Variants in FAXDC2 observed in about 807,000 individuals in gnomAD.
FAXDC2 encodes fatty acid hydroxylase domain-containing protein 2.
In FAXDC2, 41 loss-of-function variants were observed where a neutral mutation model predicts 40.9. The ratio of observed to expected loss-of-function variants is 1.00; its 90% CI spans 0.78 to 1.30. The LOEUF (loss-of-function observed/expected upper bound fraction) is 1.30. FAXDC2 is among the 50% of genes most tolerant of loss of function. FAXDC2 has a pLI of 0.00. For missense variants in FAXDC2, 390 were observed against 408.8 expected (o/e 0.95, Z 0.40); for synonymous variants, 157 against 149.3 (o/e 1.05, Z -0.38).
chr5:154,818,760 T>C lies in FAXDC2; in HGVS notation c.*1556A>G, dbSNP rs551700545. The C allele has an allele frequency of 6.6e-6, 1 of 152,370 alleles. No individual in the cohort carries two copies. Among genetic ancestry groups the C allele is most frequent in the South Asian group, 2.1e-4 (1 of 4,830 alleles). 9.4% of individuals were successfully genotyped at this position (152,370 alleles called of 1,614,324 possible). A position where few individuals can be genotyped will look rare whatever the true frequency, so the allele number is the denominator to read the frequency against. The stretch of plus-strand genomic sequence containing the variant: ...AAACCGTATCTGTTCTTTCTCCTTA[T>C]CTCCTACCCTTCTCTTTAAGCATAT... On this transcript the variant is annotated 3_prime_UTR_variant, in exon 9 of 9. Coordinates refer to ENST00000326080, the MANE Select transcript of FAXDC2 (RefSeq NM_032385.5).
chr5:154,847,499 T>G (rs1332924258), intron 1 of FAXDC2, among the ~76,000 whole-genome samples: 9 of 149,084 alleles, frequency 6.0e-5, no homozygotes, highest in African/African-American at 2.2e-4. Flanking sequence ...TTTTTTTTTT[T>G]TTTTTGAGAT....
chr5:154,840,803 GGCCTCCCAAA>G (rs1760460460), intron 1 of FAXDC2, among the ~76,000 whole-genome samples: 1 of 152,026 alleles, frequency 6.6e-6, no homozygotes, highest in South Asian at 2.1e-4. Context: ...CTCCCGCCTC[GGCCTCCCAAA>G]GTGCCAGGAT....
At chr5:154,828,900 C>T (rs1760116668) in intron 5 of FAXDC2, among the ~76,000 whole-genome samples, 2 of 147,754 alleles carry the variant, frequency 1.4e-5, no homozygotes, top group South Asian at 4.3e-4. Context: ...TGTGCCCCAG[C>T]CTGCGTAAAT....
intron 1 of FAXDC2, among the ~76,000 whole-genome samples, chr5:154,845,591 A>C (rs1760579865): frequency 6.6e-6 from 1 of 152,062 alleles, no homozygotes; most frequent in Non-Finnish European, 1.5e-5. Flanking sequence ...AATATAAAAA[A>C]AATTAGCCAG....
At chr5:154,838,108 G>A in intron 2 of FAXDC2, 23 bp downstream of exon 2, 2 of 1,517,684 alleles carry the variant, frequency 1.3e-6, no homozygotes, top group East Asian at 2.2e-5. Context: ...TCACCAGTTT[G>A]GGGGCAAGGT....
rs558837463 is a variant in FAXDC2, at chr5:154,820,228, C to A, written c.*88G>T. Reference sequence around the variant, plus strand: ...TGGTGCCATCATTAGGGCGTGTGGCCGAAGGAGGCAAATTGTTAGGTGCAA... The same window carrying A: ...TGGTGCCATCATTAGGGCGTGTGGCAGAAGGAGGCAAATTGTTAGGTGCAA... On this transcript the variant is annotated 3_prime_UTR_variant, in exon 9 of 9. Coordinates refer to ENST00000326080, the MANE Select transcript of FAXDC2 (RefSeq NM_032385.5). 3 of 1,169,888 alleles carry A rather than the reference C, an allele frequency of 2.6e-6. No homozygotes were observed. The highest frequency in any genetic ancestry group is 3.6e-6 in the Non-Finnish European group (3 of 826,384). The allele number at this position is 1,169,888 out of a possible 1,614,324, so 72.5% of individuals were successfully genotyped here.
In FAXDC2 at chr5:154,830,170, CTTG is replaced by C. The variant is rs1181467098; in HGVS notation, c.366+628_366+630del. Among the ~76,000 whole-genome samples the C allele has an allele frequency of 5.3e-5, 8 of 152,270 alleles. No individual in the cohort carries two copies. The South Asian group carries it at 1.2e-3, about 24-fold the overall frequency. ...CCTGGGTTTCAGAATCAACTTCTTC[CTTG>C]TTGTGTAGGAAAAGGCGAGCCAGAC... On this transcript the variant is annotated intron_variant, in intron 5 of 8. Coordinates refer to ENST00000326080, the MANE Select transcript of FAXDC2 (RefSeq NM_032385.5).
intron 1 of FAXDC2, among the ~76,000 whole-genome samples, chr5:154,848,406 T>C (rs1002239923): frequency 2.0e-5 from 3 of 152,196 alleles, no homozygotes; most frequent in African/African-American, 4.8e-5. Context: ...ATTTTGGGAA[T>C]AGCATAACTT....
At position 154,822,462 on chromosome 5, in the gene FAXDC2, C is replaced by G; in HGVS notation, c.678+10G>C. 6.3e-7 allele frequency: 1 copy of G among 1,593,220 alleles called. No homozygotes were observed. The highest frequency in any genetic ancestry group is 8.6e-7 in the Non-Finnish European group (1 of 1,161,370). On this transcript the variant is annotated intron_variant, in intron 7 of 8. Coordinates refer to ENST00000326080, the MANE Select transcript of FAXDC2 (RefSeq NM_032385.5). ...GCCCTTTGCTCTGGGGAGCATAGAG[C>G]TCTACTCACTGCATGCTCTATAGGG...
At position 154,819,338 on chromosome 5, in the gene FAXDC2, C is replaced by T. The variant is rs1373872656; in HGVS notation, c.*978G>A. 6.6e-6 allele frequency: 1 copy of T among 152,120 alleles called. No individual in the cohort carries two copies. The highest frequency in any genetic ancestry group is 6.5e-5 in the Admixed American group (1 of 15,282). 9.4% of individuals were successfully genotyped at this position (152,120 alleles called of 1,614,324 possible). On this transcript the variant is annotated 3_prime_UTR_variant, in exon 9 of 9. Transcript: ENST00000326080. ...TGATAAGGTTCCTGGTAAAAATCAT[C>T]TTGAATAAATGTTGCTGAGAAACTG...
At chr5:154,829,887 G>A (rs1320935827) in intron 5 of FAXDC2, among the ~76,000 whole-genome samples, 2 of 152,210 alleles carry the variant, frequency 1.3e-5, no homozygotes, top group Non-Finnish European at 2.9e-5. Flanking sequence ...TGGGCCTGGA[G>A]GAAGCCCCCA....
chr5:154,819,291 C>T lies in FAXDC2; in HGVS notation c.*1025G>A, dbSNP rs1442194975. On this transcript the variant is annotated 3_prime_UTR_variant, in exon 9 of 9. Coordinates refer to ENST00000326080, the MANE Select transcript of FAXDC2 (RefSeq NM_032385.5). ...GGAGGCCAGGATGGGGACTTCAACCCAAGCAGCTGTGGTTTTGCCTTTGAT... is the reference window on the plus strand; with the variant it reads ...GGAGGCCAGGATGGGGACTTCAACCTAAGCAGCTGTGGTTTTGCCTTTGAT... The T allele has an allele frequency of 2.0e-5, 3 of 152,186 alleles. No homozygotes were observed. The East Asian group carries it at 5.8e-4, about 29-fold the overall frequency. 9.4% of individuals were successfully genotyped at this position (152,186 alleles called of 1,614,324 possible).
intron 3 of FAXDC2, 22 bp from the exon 4 acceptor site, chr5:154,834,750 C>A: frequency 6.2e-7 from 1 of 1,610,990 alleles, no homozygotes; most frequent in Non-Finnish European, 8.5e-7. Flanking sequence ...AACCAGGTTT[C>A]TGGGTGAAGA....
intron 7 of FAXDC2, among the ~76,000 whole-genome samples, 196 bp from the exon 8 acceptor site, chr5:154,821,622 A>G (rs1340977279): frequency 1.3e-5 from 2 of 152,170 alleles, no homozygotes; most frequent in Non-Finnish European, 2.9e-5. Context: ...TTGAGCCTCA[A>G]CTTTCTTGTT....
chr5:154,845,711 T>C (rs1760583187), intron 1 of FAXDC2, among the ~76,000 whole-genome samples: 1 of 151,062 alleles, frequency 6.6e-6, no homozygotes, highest in Non-Finnish European at 1.5e-5. Flanking sequence ...AGAGCTCATC[T>C]ATTCAGATGC....
chr5:154,833,184 G>A (rs954451930), intron 4 of FAXDC2, among the ~76,000 whole-genome samples: 3 of 151,548 alleles, frequency 2.0e-5, no homozygotes, highest in East Asian at 2.0e-4. Flanking sequence ...TTACAGGCAC[G>A]CACCACCACG....
intron 7 of FAXDC2, among the ~76,000 whole-genome samples, chr5:154,821,729 T>C (rs2113119005): frequency 6.6e-6 from 1 of 152,272 alleles, no homozygotes; most frequent in East Asian, 1.9e-4. Flanking sequence ...GGAGGATTGC[T>C]TGAGGCCAGG....
At position 154,823,569 on chromosome 5, in the gene FAXDC2, C is replaced by A; in HGVS notation, c.390G>T (p.Gln130His). The change falls in exon 6 of 9, where the codon CAG (glutamine) becomes CAT (histidine). Residue 130 changes from glutamine to histidine, a missense_variant. Transcript: ENST00000326080. ...NEPVDPVKLR[Q>H]SIRTVLFNQC... ...GGTTGAAAAGAACTGTGCGGATAGA[C>A]TGGCGCAGTTTCACAGGATCCACCT... 6.2e-7 allele frequency: 1 copy of A among 1,614,138 alleles called. No individual in the cohort carries two copies. The highest frequency in any genetic ancestry group is 8.5e-7 in the Non-Finnish European group (1 of 1,180,002).
chr5:154,827,881 A>G (rs964243414), intron 5 of FAXDC2, among the ~76,000 whole-genome samples: 2 of 148,008 alleles, frequency 1.4e-5, no homozygotes, highest in African/African-American at 2.5e-5. Flanking sequence ...TCAGTGTCTC[A>G]CTCTGTCACT....
Sources: gnomAD v4.1 joint callset for allele counts (sites outside exome capture counted in the v4.1 genomes callset) on GRCh38, gnomAD v4.1.1 for gene constraint, MANE v1.5 for transcripts, NCBI Gene and HGNC (gene_info 2026-07-23, HGNC 2026-07-21) for gene names.